Variants in TENM3 observed in about 807,000 individuals in gnomAD.
TENM3 encodes the protein teneurin-3.
Under a neutral mutation model 255.1 loss-of-function variants are expected in TENM3, and 63 were observed. That is an observed-to-expected ratio of 0.25 (90% CI 0.20 to 0.30). The LOEUF (loss-of-function observed/expected upper bound fraction) is 0.30, where lower values mean the gene tolerates loss of function less well. Among genes scored for constraint, TENM3 ranks in the 10% least tolerant of loss-of-function variants. The pLI, the probability that TENM3 is intolerant of heterozygous loss-of-function variation, is 1.00. For missense variants in TENM3, 2,929 were observed against 3,461.1 expected (o/e 0.85, Z 3.86); for synonymous variants, 1,306 against 1,322.3 (o/e 0.99, Z 0.27).
the TENM3 span, among the ~76,000 whole-genome samples, chr4:181,701,723 T>C: frequency 6.6e-6 from 1 of 152,236 alleles, no homozygotes; most frequent in Non-Finnish European, 1.5e-5. Context: ...TTCAAGTGCC[T>C]GCACATGATT....
the TENM3 span, among the ~76,000 whole-genome samples, chr4:181,787,504 AT>A: frequency 6.6e-6 from 1 of 151,978 alleles, no homozygotes; most frequent in African/African-American, 2.4e-5. Context: ...CGCCCAGCTA[AT>A]TTTTTCATAT....
chr4:182,010,363 A>T, the TENM3 span, among the ~76,000 whole-genome samples: 1 of 152,148 alleles, frequency 6.6e-6, no homozygotes, highest in East Asian at 1.9e-4. Context: ...TTAAAAACTG[A>T]CAATTGGAAA....
chr4:182,779,058 T>C (rs1174733984), intron 24 of TENM3, among the ~76,000 whole-genome samples: 7 of 137,584 alleles, frequency 5.1e-5, no homozygotes, highest in Non-Finnish European at 1.1e-4. Flanking sequence ...TTTCCTTTTC[T>C]TTTTTTTTTT....
the TENM3 span, chr4:181,906,445 A>G: frequency 5.3e-6 from 1 of 189,126 alleles, no homozygotes; most frequent in Non-Finnish European, 1.2e-5. Context: ...TGCACATGTG[A>G]GCATTATTAT....
the TENM3 span, among the ~76,000 whole-genome samples, chr4:182,110,252 G>T: frequency 6.6e-6 from 1 of 152,086 alleles, no homozygotes; most frequent in Admixed American, 6.6e-5. Context: ...TGAGGAGTTG[G>T]CCTGCAAAGC....
chr4:182,007,023 T>C, the TENM3 span, among the ~76,000 whole-genome samples: 1 of 152,206 alleles, frequency 6.6e-6, no homozygotes, highest in Non-Finnish European at 1.5e-5. Context: ...TCAATTTCCA[T>C]GAAATTGTGT....
intron 4 of TENM3, among the ~76,000 whole-genome samples, chr4:182,609,039 T>C (rs1748722710): frequency 6.6e-6 from 1 of 152,200 alleles, no homozygotes; most frequent in Non-Finnish European, 1.5e-5. Context: ...GCTTGCAGGC[T>C]GGTGGGACCT....
chr4:182,582,465 G>T (rs373492889), intron 3 of TENM3, among the ~76,000 whole-genome samples: 1 of 152,124 alleles, frequency 6.6e-6, no homozygotes, highest in Non-Finnish European at 1.5e-5. Flanking sequence ...TGCGTAATCA[G>T]CTTAATAAGC....
chr4:181,900,033 TGTTCTCAC>T, the TENM3 span, among the ~76,000 whole-genome samples: 1 of 152,190 alleles, frequency 6.6e-6, no homozygotes, highest in Non-Finnish European at 1.5e-5. Context: ...AGCAGAGAGA[TGTTCTCAC>T]ACACTCATAA....
At chr4:182,495,266 T>C (rs945361306) in intron 3 of TENM3, among the ~76,000 whole-genome samples, 1 of 152,206 alleles carries the variant, frequency 6.6e-6, no homozygotes, top group Non-Finnish European at 1.5e-5. Context: ...GCCTTTCTCA[T>C]AATGCCTGAA....
the TENM3 span, among the ~76,000 whole-genome samples, chr4:181,467,790 G>A: frequency 6.6e-6 from 1 of 152,120 alleles, no homozygotes; most frequent in Admixed American, 6.5e-5. Flanking sequence ...GGTGATGTGA[G>A]TGCTTTTTAG....
chr4:181,939,093 GATA>G, the TENM3 span, among the ~76,000 whole-genome samples: 1 of 152,216 alleles, frequency 6.6e-6, no homozygotes, highest in East Asian at 1.9e-4. Flanking sequence ...ATTAAATGAA[GATA>G]ATAATTATAA....
the TENM3 span, among the ~76,000 whole-genome samples, chr4:181,756,092 A>G: frequency 6.6e-6 from 1 of 152,268 alleles, no homozygotes; most frequent in South Asian, 2.1e-4. Context: ...GGCTCTCCTA[A>G]TTTCACAGAT....
At chr4:181,855,160 T>C in the TENM3 span, among the ~76,000 whole-genome samples, 1 of 152,196 alleles carries the variant, frequency 6.6e-6, no homozygotes, top group Admixed American at 6.5e-5. Flanking sequence ...CCAGTGGAAG[T>C]AGGTTGAAGT....
At chr4:182,436,238 G>A (rs1772035861) in intron 3 of TENM3, among the ~76,000 whole-genome samples, 1 of 152,152 alleles carries the variant, frequency 6.6e-6, no homozygotes, top group South Asian at 2.1e-4. Context: ...ATAAGTAAGG[G>A]AGATGTTTCC....
the TENM3 span, among the ~76,000 whole-genome samples, chr4:181,741,413 G>A: frequency 1.3e-5 from 2 of 152,068 alleles, no homozygotes; most frequent in Non-Finnish European, 2.9e-5. Context: ...TAATAATCAT[G>A]AAAAGGCAGT....
chr4:182,262,866 A>G (rs1025576032), intron 1 of TENM3, among the ~76,000 whole-genome samples: 3 of 151,190 alleles, frequency 2.0e-5, no homozygotes, highest in Admixed American at 1.3e-4. Context: ...GGCACCCACC[A>G]CCACGCCCGG....
At chr4:182,641,707 A>T (rs551094939) in intron 5 of TENM3, among the ~76,000 whole-genome samples, 1 of 152,234 alleles carries the variant, frequency 6.6e-6, no homozygotes, top group South Asian at 2.1e-4. Context: ...TTGTGATTGT[A>T]GCAGAGGCGG....
intron 1 of TENM3, among the ~76,000 whole-genome samples, chr4:182,169,582 A>C (rs564748456): frequency 6.6e-6 from 1 of 152,316 alleles, no homozygotes; most frequent in South Asian, 2.1e-4. Context: ...CAAGTCAAAC[A>C]GAATTTCCAG....
Sources: allele counts gnomAD v4.1 joint callset (sites outside exome capture counted in the v4.1 genomes callset), GRCh38; gene constraint gnomAD v4.1.1; transcripts MANE v1.5; gene names NCBI Gene and HGNC (gene_info 2026-07-23, HGNC 2026-07-21).